Variants in ATP8A2 observed in about 807,000 individuals in gnomAD.
ATP8A2 encodes phospholipid-transporting ATPase IB.
ATP8A2 carries 100 observed loss-of-function variants against 165.6 expected under a neutral mutation model. The observed-to-expected ratio is 0.60, with a 90% CI of 0.51 to 0.71. The LOEUF is 0.71. ATP8A2 is among the 30% of genes least tolerant of loss of function. The pLI is 0.00. For missense variants in ATP8A2, 1,227 were observed against 1,479.5 expected, an observed-to-expected ratio of 0.83 and a Z score of 2.80; for synonymous variants, 543 against 548.8, an observed-to-expected ratio of 0.99 and a Z score of 0.15.
At chr13:25,803,774 A>G (rs1950671004) in intron 27 of ATP8A2, among the ~76,000 whole-genome samples, 1 of 152,244 alleles carries the variant, frequency 6.6e-6, no homozygotes, top group Non-Finnish European at 1.5e-5. Flanking sequence ...ATACGTTGGA[A>G]TATTACCTGC....
intron 24 of ATP8A2, among the ~76,000 whole-genome samples, chr13:25,605,970 A>G (rs1247732428): frequency 6.6e-6 from 1 of 152,162 alleles, no homozygotes; most frequent in Non-Finnish European, 1.5e-5. Context: ...ATATAAATCC[A>G]TATACTCCTT....
At chr13:25,829,268 T>A (rs1350493506) in intron 28 of ATP8A2, among the ~76,000 whole-genome samples, 2 of 152,096 alleles carry the variant, frequency 1.3e-5, no homozygotes, top group Non-Finnish European at 2.9e-5. Flanking sequence ...TGTGTTAACT[T>A]GCTGCAAAGT....
At chr13:25,442,679 C>G (rs902085162) in intron 1 of ATP8A2, among the ~76,000 whole-genome samples, 1 of 152,186 alleles carries the variant, frequency 6.6e-6, no homozygotes, top group African/African-American at 2.4e-5. Context: ...CTCGGCGTCC[C>G]AAAGTGCTGC....
At chr13:26,000,509 C>T (rs60130114) in intron 35 of ATP8A2, among the ~76,000 whole-genome samples, 2,905 of 152,158 alleles carry the variant, frequency 0.019, 81 homozygotes, top group African/African-American at 0.06. Context: ...GAGGCAGGAG[C>T]ATAACACCTT....
At chr13:25,420,853 T>C (rs2034278889) in intron 1 of ATP8A2, among the ~76,000 whole-genome samples, 1 of 152,216 alleles carries the variant, frequency 6.6e-6, no homozygotes, top group Admixed American at 6.5e-5. Flanking sequence ...TGTTCTGTTC[T>C]TAGTAAGCTC....
At chr13:25,852,918 A>T (rs1952046051) in intron 30 of ATP8A2, among the ~76,000 whole-genome samples, 1 of 151,892 alleles carries the variant, frequency 6.6e-6, no homozygotes, top group Admixed American at 6.6e-5. Flanking sequence ...AAAAAAAAAA[A>T]TTACAGTTTC....
At chr13:25,848,195 C>A (rs939800470) in intron 30 of ATP8A2, among the ~76,000 whole-genome samples, 5 of 152,252 alleles carry the variant, frequency 3.3e-5, no homozygotes, top group African/African-American at 1.2e-4. Flanking sequence ...CCATGACAAT[C>A]ATTCCATGTC....
chr13:25,932,143 C>G (rs910604349), intron 33 of ATP8A2, among the ~76,000 whole-genome samples: 1 of 152,016 alleles, frequency 6.6e-6, no homozygotes, highest in Non-Finnish European at 1.5e-5. Context: ...GGATGCTCCC[C>G]GTACAGTAGA....
intron 27 of ATP8A2, among the ~76,000 whole-genome samples, chr13:25,820,699 G>T (rs1951157515): frequency 6.6e-6 from 1 of 152,142 alleles, no homozygotes; most frequent in African/African-American, 2.4e-5. Context: ...TAGTGTGAAA[G>T]TCTGATTTTA....
chr13:25,936,716 A>G (rs1703614747), intron 33 of ATP8A2, among the ~76,000 whole-genome samples: 1 of 152,160 alleles, frequency 6.6e-6, no homozygotes, highest in African/African-American at 2.4e-5. Context: ...CCCCGTGGGA[A>G]AACTCTTTTA....
chr13:25,445,835 T>A (rs2035052829), intron 1 of ATP8A2, among the ~76,000 whole-genome samples: 1 of 152,068 alleles, frequency 6.6e-6, no homozygotes, highest in Non-Finnish European at 1.5e-5. Context: ...TGCCTGCAGA[T>A]GAGAACCCAG....
At chr13:25,806,788 C>T (rs577838277) in intron 27 of ATP8A2, among the ~76,000 whole-genome samples, 1 of 152,290 alleles carries the variant, frequency 6.6e-6, no homozygotes, top group African/African-American at 2.4e-5. Context: ...ATTTTACATT[C>T]TTACCAGCAA....
intron 1 of ATP8A2, among the ~76,000 whole-genome samples, chr13:25,451,770 A>C (rs2035230119): frequency 6.6e-6 from 1 of 151,978 alleles, no homozygotes; most frequent in Admixed American, 6.6e-5. Flanking sequence ...CAGGTGTCCC[A>C]CTGGGTTCAG....
intron 1 of ATP8A2, among the ~76,000 whole-genome samples, chr13:25,375,008 C>T (rs1233850032): frequency 1.3e-5 from 2 of 152,172 alleles, no homozygotes; most frequent in African/African-American, 2.4e-5. Flanking sequence ...ATCTTTGACT[C>T]TTATCTTGTT....
At chr13:25,785,641 T>C (rs2045005487) in intron 27 of ATP8A2, among the ~76,000 whole-genome samples, 1 of 152,214 alleles carries the variant, frequency 6.6e-6, no homozygotes, top group Admixed American at 6.5e-5. Flanking sequence ...TCTGTGACAA[T>C]GTCTGAGCAC....
intron 25 of ATP8A2, among the ~76,000 whole-genome samples, chr13:25,736,589 A>G (rs775293266): frequency 6.6e-6 from 1 of 152,370 alleles, no homozygotes; most frequent in Non-Finnish European, 1.5e-5. Flanking sequence ...GTAAAGGATC[A>G]TTTCATAAAT....
chr13:25,730,025 G>A (rs2138078306), intron 25 of ATP8A2, among the ~76,000 whole-genome samples: 1 of 152,194 alleles, frequency 6.6e-6, no homozygotes, highest in South Asian at 2.1e-4. Flanking sequence ...GCGCAGTTGT[G>A]CATGCCTGTA....
At chr13:25,686,997 T>G (rs1413808324) in intron 24 of ATP8A2, among the ~76,000 whole-genome samples, 1 of 152,196 alleles carries the variant, frequency 6.6e-6, no homozygotes, top group African/African-American at 2.4e-5. Context: ...TCATGACTGC[T>G]TACTGACTGT....
chr13:26,018,952 A>T (rs1289244694), intron 36 of ATP8A2, among the ~76,000 whole-genome samples: 1 of 152,244 alleles, frequency 6.6e-6, no homozygotes. Flanking sequence ...TTTTATTAAT[A>T]GTATATGAAC....
Sources: gnomAD v4.1 joint callset for allele counts (sites outside exome capture counted in the v4.1 genomes callset) on GRCh38, gnomAD v4.1.1 for gene constraint, MANE v1.5 for transcripts, NCBI Gene and HGNC (gene_info 2026-07-23, HGNC 2026-07-21) for gene names.